The following ANK2 variants were observed in gnomAD, a reference collection of about 807,000 sequenced individuals.
The protein encoded by ANK2 is ankyrin-2.
ANK2 carries 83 observed loss-of-function variants against 360.5 expected under a neutral mutation model. That is an observed-to-expected ratio of 0.23 (90% CI 0.19 to 0.28). The LOEUF (loss-of-function observed/expected upper bound fraction) is 0.28. Among genes scored for constraint, ANK2 ranks in the 10% least tolerant of loss-of-function variants. ANK2 has a pLI of 1.00. For synonymous variants in ANK2, 1,740 were observed against 1,759.5 expected (o/e 0.99, Z 0.28); for missense variants, 4,201 against 4,795.7 (o/e 0.88, Z 3.66).
intron 1 of ANK2, among the ~76,000 whole-genome samples, chr4:112,833,623 C>T (rs1484689242): frequency 6.6e-6 from 1 of 152,012 alleles, no homozygotes; most frequent in Non-Finnish European, 1.5e-5. Flanking sequence ...CCTTGCTCAG[C>T]CTCCCCAGTA....
At chr4:113,288,298 T>G in intron 19 of ANK2, 90 bp from the exon 20 acceptor site, 1 of 1,067,382 alleles carries the variant, frequency 9.4e-7, no homozygotes, top group Admixed American at 1.8e-5. Flanking sequence ...TAACTGATAC[T>G]CTACCCAGTC....
intron 2 of ANK2, among the ~76,000 whole-genome samples, chr4:113,009,493 T>A (rs747824272): frequency 7.2e-5 from 11 of 152,166 alleles, no homozygotes; most frequent in Non-Finnish European, 1.2e-4. Flanking sequence ...CCAGGAAATT[T>A]AGAGCCCTGA....
At chr4:113,328,922 G>C (rs1008945588) in intron 26 of ANK2, among the ~76,000 whole-genome samples, 2 of 152,122 alleles carry the variant, frequency 1.3e-5, no homozygotes, top group Non-Finnish European at 2.9e-5. Flanking sequence ...AACTTACTTT[G>C]ATAAAATACC....
At chr4:113,097,836 A>ATG (rs2091724515) in intron 1 of ANK2, among the ~76,000 whole-genome samples, 1 of 107,810 alleles carries the variant, frequency 9.3e-6, no homozygotes, top group Admixed American at 8.7e-5. Flanking sequence ...CCTCTTGTAT[A>ATG]TATATGTGTG....
In ANK2 at chr4:113,354,630, T is replaced by C; in HGVS notation, c.6012T>C (p.Ser2004=). ...MKAFQSGQDP[S]KHKTGLFEHK... ...CTTTCCAGTCAGGTCAGGACCCTTC[T>C]AAACATAAAACTGGACTCTTTGAGC... is the stretch of plus-strand genomic sequence containing the variant. The change falls in exon 38 of 46, where the codon TCT becomes TCC. Residue 2004 remains serine (S), a synonymous_variant. Coordinates refer to ENST00000357077, the MANE Select transcript of ANK2 (RefSeq NM_001148.6). The C allele has an allele frequency of 6.2e-7, 1 of 1,614,082 alleles. No homozygotes were observed. The highest frequency in any genetic ancestry group is 8.5e-7 in the Non-Finnish European group (1 of 1,179,996).
rs1347583822 is a variant in ANK2, at chr4:113,015,775, C to T, written c.21+111261C>T. Among the ~76,000 whole-genome samples the T allele has an allele frequency of 3.3e-5, 5 of 152,116 alleles. 1 individual carries two copies. The highest frequency in any genetic ancestry group is 5.9e-5 in the Non-Finnish European group (4 of 68,018). On this transcript the variant is annotated intron_variant, in intron 2 of 30. Transcript: ENST00000503271. Reference sequence around the variant, plus strand: ...TTTGTCTTATCATGTTTTCTACTTACATGAATTTTTGCTCATTTATTTTCT... The same window carrying T: ...TTTGTCTTATCATGTTTTCTACTTATATGAATTTTTGCTCATTTATTTTCT...
At chr4:113,038,390 T>A (rs920221882) in intron 2 of ANK2, among the ~76,000 whole-genome samples, 9 of 151,966 alleles carry the variant, frequency 5.9e-5, no homozygotes, top group South Asian at 2.1e-4. Context: ...TGTTTTTTTT[T>A]AAATGAATAA....
At position 113,072,953 on chromosome 4, in the gene ANK2, C is replaced by CTTTTTT. The variant is rs77468290; in HGVS notation, c.84+23162_84+23167dup. 4.7e-4 allele frequency among the ~76,000 whole-genome samples: 28 copies of CTTTTTT among 59,406 alleles called. 5 individuals carry two copies. The highest frequency in any genetic ancestry group is 1.5e-3 in the African/African-American group (19 of 13,102). 39.0% of individuals were successfully genotyped at this position (59,406 alleles called of 152,430 possible). ...CTCGACTCTGTCACAAGGACAGTGT[C>CTTTTTT]TTTTTTTTTTTTTTTTTTTTTTTTT... On this transcript the variant is annotated intron_variant, in intron 1 of 45. Transcript: ENST00000357077.
chr4:113,014,848 C>CA (rs2056006403), intron 2 of ANK2, among the ~76,000 whole-genome samples: 1 of 70,286 alleles, frequency 1.4e-5, no homozygotes, highest in African/African-American at 5.8e-5. Context: ...GATCATAGAG[C>CA]TTTTTTTTTT....
the ANK2 span, among the ~76,000 whole-genome samples, chr4:112,775,389 C>T: frequency 6.6e-6 from 1 of 151,772 alleles, no homozygotes; most frequent in African/African-American, 2.4e-5. Context: ...TGTGGTGGCA[C>T]GTGCCTGTAA....
intron 2 of ANK2, among the ~76,000 whole-genome samples, chr4:112,916,226 G>A (rs1161631342): frequency 6.6e-6 from 1 of 152,180 alleles, no homozygotes; most frequent in Non-Finnish European, 1.5e-5. Flanking sequence ...GTTCTGATGA[G>A]GAAATGGGCT....
chr4:112,973,519 C>T (rs28535931), intron 2 of ANK2, among the ~76,000 whole-genome samples: 11,143 of 152,192 alleles, frequency 0.073, 609 homozygotes, highest in African/African-American at 0.16. Flanking sequence ...TTACTGAGTT[C>T]AGTTGCATTG....
intron 41 of ANK2, among the ~76,000 whole-genome samples, chr4:113,367,122 C>G (rs1245640189): frequency 6.6e-6 from 1 of 152,116 alleles, no homozygotes; most frequent in East Asian, 1.9e-4. Context: ...TGAAACGGTG[C>G]CTAACATGGA....
chr4:113,337,833 C>T (rs910316334), intron 31 of ANK2, among the ~76,000 whole-genome samples: 2 of 152,144 alleles, frequency 1.3e-5, no homozygotes, highest in Non-Finnish European at 2.9e-5. Context: ...TCCCATAATT[C>T]CAGCCCCGTA....
At chr4:112,852,150 T>G (rs1354727599) in intron 1 of ANK2, among the ~76,000 whole-genome samples, 1 of 152,230 alleles carries the variant, frequency 6.6e-6, no homozygotes, top group Non-Finnish European at 1.5e-5. Flanking sequence ...CGTATTATCC[T>G]TTTTACAACA....
chr4:113,062,653 A>T (rs1018238700), intron 1 of ANK2, among the ~76,000 whole-genome samples: 1 of 152,132 alleles, frequency 6.6e-6, no homozygotes, highest in African/African-American at 2.4e-5. Context: ...ATGGTTCCAC[A>T]TGGACCTCCT....
chr4:113,314,187 C>T (rs533743869), intron 24 of ANK2, among the ~76,000 whole-genome samples: 117 of 152,204 alleles, frequency 7.7e-4, no homozygotes, highest in African/African-American at 2.6e-3. Flanking sequence ...TTTATTGTAG[C>T]TTACAAATTA....
At chr4:113,058,224 T>C (rs313983) in intron 1 of ANK2, among the ~76,000 whole-genome samples, 143,132 of 152,216 alleles carry the variant, frequency 0.94, 67,407 homozygotes, top group East Asian at 1. Flanking sequence ...GGGGTGTTTT[T>C]GAAATAAAAC....
intron 2 of ANK2, among the ~76,000 whole-genome samples, chr4:113,008,241 C>T (rs1235684993): frequency 6.6e-6 from 1 of 151,788 alleles, no homozygotes; most frequent in African/African-American, 2.4e-5. Context: ...TTGTGTGCTA[C>T]ACTTTATTAG....
Sources: gnomAD v4.1 joint callset for allele counts (sites outside exome capture counted in the v4.1 genomes callset) on GRCh38, gnomAD v4.1.1 for gene constraint, MANE v1.5 for transcripts, NCBI Gene and HGNC (gene_info 2026-07-23, HGNC 2026-07-21) for gene names.